TOGARAM1: variants seen among roughly 807,000 people sequenced by gnomAD.
TOGARAM1 encodes TOG array regulator of axonemal microtubules protein 1.
In TOGARAM1, 100 loss-of-function variants were observed where a neutral mutation model predicts 166.6. The ratio of observed to expected loss-of-function variants is 0.60; its 90% CI spans 0.51 to 0.71. The LOEUF (loss-of-function observed/expected upper bound fraction) is 0.71. Among genes scored for constraint, TOGARAM1 ranks in the 30% least tolerant of loss-of-function variants. TOGARAM1 has a pLI of 0.00. For missense variants in TOGARAM1, 2,029 were observed against 2,102.7 expected, an observed-to-expected ratio of 0.96 and a Z score of 0.69; for synonymous variants, 758 against 763.8, an observed-to-expected ratio of 0.99 and a Z score of 0.13.
At chr14:45,022,651 G>C (rs974856246) in intron 7 of TOGARAM1, among the ~76,000 whole-genome samples, 4 of 151,374 alleles carry the variant, frequency 2.6e-5, no homozygotes, top group Admixed American at 1.3e-4. Flanking sequence ...GTCCTCATGA[G>C]GTTCCCCATT....
At position 45,032,321 on chromosome 14, in the gene TOGARAM1, T is replaced by C. The variant is rs201415133; in HGVS notation, c.3757T>C (p.Ser1253Pro). 1.2e-6 allele frequency: 2 copies of C among 1,614,138 alleles called. No homozygotes were observed. The highest frequency in any genetic ancestry group is 3.3e-5 in the Admixed American group (2 of 60,018). The stretch of plus-strand genomic sequence containing the variant: ...GGATCTGTCAGAACTACGACCATTC[T>C]CTAAACCAGAAATAGCACTGACAGA... ...IMDLSELRPF[S>P]KPEIALTEAL... is the part of the protein sequence containing the mutation. The change falls in exon 11 of 20, where the codon TCT (serine) becomes CCT (proline). Residue 1253 changes from serine (S) to proline (P), a missense_variant. By Grantham distance (74) the Ser-to-Pro change is moderately conservative. Coordinates refer to ENST00000361462, the MANE Select transcript of TOGARAM1 (RefSeq NM_001308120.2).
rs758088018 is a variant in TOGARAM1 at position 45,054,427 on chromosome 14, G to T, written c.4441-4G>T. 6.4e-7 allele frequency: 1 copy of T among 1,555,292 alleles called. No individual in the cohort carries two copies. Among genetic ancestry groups the T allele is most frequent in the Admixed American group, 1.9e-5 (1 of 53,716 alleles). On this transcript the variant is annotated splice_polypyrimidine_tract_variant and splice_region_variant and intron_variant, in intron 15 of 19. Coordinates refer to ENST00000361462, the MANE Select transcript of TOGARAM1 (RefSeq NM_001308120.2). ...TATTATACTAATTTTATATTTACTTGCAGGGTTTGGGGGAGATACCATTAG... is the reference window on the plus strand; with the variant it reads ...TATTATACTAATTTTATATTTACTTTCAGGGTTTGGGGGAGATACCATTAG...
At chr14:44,987,647 A>T (rs1566611422) in intron 1 of TOGARAM1, among the ~76,000 whole-genome samples, 2 of 149,696 alleles carry the variant, frequency 1.3e-5, no homozygotes, top group East Asian at 2.0e-4. Flanking sequence ...ACACTTTTAC[A>T]CTGTTGGTGG....
chr14:44,962,659 A>T lies in TOGARAM1; in HGVS notation c.238A>T (p.Ser80Cys). 6.2e-7 allele frequency: 1 copy of T among 1,614,162 alleles called. No individual in the cohort carries two copies. The highest frequency in any genetic ancestry group is 8.5e-7 in the Non-Finnish European group (1 of 1,180,016). Residue 80 changes from serine (S) to cysteine (C), a missense_variant, in exon 1 of 20, where the codon AGC becomes TGC. By Grantham distance (112) the Ser-to-Cys change is moderately radical (BLOSUM62 -1). Around this residue, in one of 2 missense-constraint regions of TOGARAM1, gnomAD observed 1,453 missense variants for 1,432.2 expected, o/e 1.01. Transcript: ENST00000361462. ...ALLMPSEAVS[S>C]SWSESGGGLS... Reference sequence around the variant, plus strand: ...CTTGATGCCCTCGGAGGCAGTCTCAAGCAGCTGGTCTGAGTCTGGAGGCGG... The same window carrying T: ...CTTGATGCCCTCGGAGGCAGTCTCATGCAGCTGGTCTGAGTCTGGAGGCGG...
Position 45,073,515 on chromosome 14 carries a change from A to T in TOGARAM1, c.5276A>T (p.Lys1759Met). The T allele has an allele frequency of 6.2e-7, 1 of 1,614,064 alleles. No homozygotes were observed. Among genetic ancestry groups the T allele is most frequent in the South Asian group, 1.1e-5 (1 of 91,048 alleles). ...QAASQPPHIK[K>M]SLEELLDMTI... Reference sequence around the variant, plus strand: ...GCATCTCAACCACCACATATCAAAAAGAGTTTGGAGGAATTACTCGATATG... The same window carrying T: ...GCATCTCAACCACCACATATCAAAATGAGTTTGGAGGAATTACTCGATATG... The change falls in exon 20 of 20, where the codon AAG becomes ATG. Residue 1759 changes from lysine to methionine, a missense_variant. This residue lies in a region of TOGARAM1 where 576 missense variants were observed against 670.5 expected (regional missense o/e 0.86). Coordinates refer to ENST00000361462, the MANE Select transcript of TOGARAM1 (RefSeq NM_001308120.2).
chr14:45,017,100 A>G (rs939026513), intron 7 of TOGARAM1, among the ~76,000 whole-genome samples: 10 of 152,216 alleles, frequency 6.6e-5, no homozygotes, highest in African/African-American at 2.4e-4. Flanking sequence ...GTAAGCCTAC[A>G]CAAGGTTAGT....
chr14:45,015,349 A>AATAAATAT (rs1880065716), intron 7 of TOGARAM1, among the ~76,000 whole-genome samples: 1 of 145,992 alleles, frequency 6.8e-6, no homozygotes. Context: ...TAAATAAATA[A>AATAAATAT]ATATATTTAT....
At chr14:45,038,256 A>T (rs77084239) in intron 11 of TOGARAM1, among the ~76,000 whole-genome samples, 7,059 of 152,226 alleles carry the variant, frequency 0.046, 528 homozygotes, top group African/African-American at 0.16. Context: ...AGGTGTTACT[A>T]TGCCAGCCAG....
At chr14:45,024,938 T>G (rs1375801430) in intron 7 of TOGARAM1, among the ~76,000 whole-genome samples, 1 of 152,234 alleles carries the variant, frequency 6.6e-6, no homozygotes, top group Non-Finnish European at 1.5e-5. Context: ...TATTTCTCTT[T>G]TCTTTTTTTG....
At chr14:45,043,890 C>A in intron 12 of TOGARAM1, 99 bp downstream of exon 12, 1 of 660,606 alleles carries the variant, frequency 1.5e-6, no homozygotes, top group Non-Finnish European at 2.6e-6. Flanking sequence ...AACTCTGTAC[C>A]ATATGATATA....
At chr14:45,070,012 C>G (rs1486950787) in intron 18 of TOGARAM1, among the ~76,000 whole-genome samples, 1 of 152,064 alleles carries the variant, frequency 6.6e-6, no homozygotes. Flanking sequence ...GAAACCCCGT[C>G]TCTACTAAAA....
rs1471777110 is a variant in TOGARAM1 at position 45,027,793 on chromosome 14, C to T, written c.3504+319C>T. ...CTGAGGTAGGAGGATCACTTGAGCT[C>T]GGACGGTCGGACTTGAGCTGCAGTA... On this transcript the variant is annotated intron_variant, in intron 9 of 19. Coordinates refer to ENST00000361462, the MANE Select transcript of TOGARAM1 (RefSeq NM_001308120.2). Among the ~76,000 whole-genome samples the T allele has an allele frequency of 5.3e-5, 8 of 151,452 alleles. No individual in the cohort carries two copies. The East Asian group carries it at 1.2e-3, about 22-fold the overall frequency.
rs570868205 is a variant in TOGARAM1, at chr14:45,057,070, C to T, written c.4559+2521C>T. Among the ~76,000 whole-genome samples the T allele has an allele frequency of 4.6e-5, 7 of 152,136 alleles. No homozygotes were observed. In the East Asian group the frequency reaches 1.2e-3, roughly 25 times the overall value. Reference sequence around the variant, plus strand: ...CATTCTCACTACTCACTGGTCTGTTCAGGATTTCTGTTTCTTCCTAGTTCA... The same window carrying T: ...CATTCTCACTACTCACTGGTCTGTTTAGGATTTCTGTTTCTTCCTAGTTCA... On this transcript the variant is annotated intron_variant, in intron 16 of 19. Transcript: ENST00000361462.
At chr14:44,972,560 C>T (rs1320157840) in intron 1 of TOGARAM1, among the ~76,000 whole-genome samples, 2 of 152,004 alleles carry the variant, frequency 1.3e-5, no homozygotes, top group African/African-American at 4.8e-5. Flanking sequence ...TGTTGTTGGG[C>T]ACACATTAAG....
intron 16 of TOGARAM1, among the ~76,000 whole-genome samples, chr14:45,057,730 C>T (rs1436092475): frequency 1.3e-5 from 2 of 152,034 alleles, no homozygotes; most frequent in African/African-American, 2.4e-5. Context: ...TGTTTAATTT[C>T]CATGTATTTG....
Position 45,005,224 on chromosome 14 carries a change from T to C in TOGARAM1, c.2645-784T>C, listed in dbSNP as rs76384621. The stretch of plus-strand genomic sequence containing the variant: ...CTACTGCACCTGGCTGAAACATTTT[T>C]TATTATTTGTTATAAACTAAAATAT... On this transcript the variant is annotated intron_variant, in intron 4 of 19. Coordinates refer to ENST00000361462, the MANE Select transcript of TOGARAM1 (RefSeq NM_001308120.2). Among the ~76,000 whole-genome samples, 810 of 152,324 alleles carry C rather than the reference T, an allele frequency of 5.3e-3. 2 individuals carry two copies. The highest frequency in any genetic ancestry group is 8.4e-3 in the Non-Finnish European group (570 of 68,042).
intron 1 of TOGARAM1, among the ~76,000 whole-genome samples, chr14:44,976,723 T>C (rs1027776547): frequency 6.6e-6 from 1 of 152,170 alleles, no homozygotes; most frequent in African/African-American, 2.4e-5. Flanking sequence ...GTATAGTCAA[T>C]AAGACCAGCA....
chr14:44,984,402 T>C (rs1362663692), intron 1 of TOGARAM1, among the ~76,000 whole-genome samples: 3 of 152,054 alleles, frequency 2.0e-5, no homozygotes, highest in African/African-American at 4.8e-5. Flanking sequence ...ATCTAAAATT[T>C]CAAAAATTTT....
intron 7 of TOGARAM1, among the ~76,000 whole-genome samples, chr14:45,013,375 C>T (rs533685501): frequency 6.6e-6 from 1 of 152,170 alleles, no homozygotes; most frequent in Non-Finnish European, 1.5e-5. Context: ...TTATTTCCCA[C>T]TGATTACCTA....
Sources: allele counts gnomAD v4.1 joint callset (sites outside exome capture counted in the v4.1 genomes callset), GRCh38; gene constraint gnomAD v4.1.1; regional missense constraint gnomAD v4.1.1; transcripts MANE v1.5; gene names NCBI Gene and HGNC (gene_info 2026-07-23, HGNC 2026-07-21).